Variants in PLIN3 observed in about 807,000 individuals in gnomAD.
The protein encoded by PLIN3 is perilipin 3, also known as perilipin-3.
In PLIN3, 30 loss-of-function variants were observed where a neutral mutation model predicts 35.9. The ratio of observed to expected loss-of-function variants is 0.84; its 90% CI spans 0.62 to 1.13. The LOEUF is 1.13. PLIN3 is among the 50% of genes most tolerant of loss of function. The probability of loss-of-function intolerance (pLI) is 0.00; values close to 1 mark genes in which losing one functional copy is unlikely to be tolerated. For missense variants in PLIN3, 603 were observed against 596.9 expected (o/e 1.01, Z -0.11); for synonymous variants, 261 against 262.5 (o/e 0.99, Z 0.06).
At chr19:4,854,418 T>TGTTTTTG (rs147712260) in intron 4 of PLIN3, among the ~76,000 whole-genome samples, 1 of 150,828 alleles carries the variant, frequency 6.6e-6, no homozygotes, top group Non-Finnish European at 1.5e-5. Flanking sequence ...TTTTTGTTTT[T>TGTTTTTG]TTTTACAGAG....
chr19:4,844,569 G>A, intron 7 of PLIN3, 99 bp downstream of exon 7: 1 of 1,290,426 alleles, frequency 7.7e-7, no homozygotes, highest in African/African-American at 1.5e-5. Flanking sequence ...TGAGGCTAGG[G>A]AAATCATTCG....
Position 4,839,510 on chromosome 19 carries a change from C to G in PLIN3, c.987G>C (p.Met329Ile). The stretch of plus-strand genomic sequence containing the variant: ...GCAGTTGCTGGGCAATGTCCCGGAA[C>G]ATGGTGAGCGCCCGGGACTCGACCT... ...PEQVESRALT[M>I]FRDIAQQLQA... The change falls in exon 8 of 8, where the codon ATG becomes ATC. Residue 329 changes from methionine to isoleucine, a missense_variant. By Grantham distance (10) the Met-to-Ile change is conservative (BLOSUM62 1). Coordinates refer to ENST00000221957, the MANE Select transcript of PLIN3 (RefSeq NM_005817.5). 2 of 1,536,644 alleles carry G rather than the reference C, an allele frequency of 1.3e-6. No individual in the cohort carries two copies. The highest frequency in any genetic ancestry group is 1.4e-5 in the African/African-American group (1 of 73,036).
At position 4,861,343 on chromosome 19, in the gene PLIN3, C is replaced by T. The variant is rs192291818; in HGVS notation, c.52G>A (p.Glu18Lys). The change falls in exon 2 of 8, where the codon GAA (glutamate) becomes AAA (lysine). Residue 18 changes from glutamate to lysine, a missense_variant. Coordinates refer to ENST00000221957, the MANE Select transcript of PLIN3 (RefSeq NM_005817.5). ...CCCTTCCTCACCTGCTGTACCGGTT[C>T]TTCCACTGTCACCTGGGTGCTGCCA... ...ADGSTQVTVEEPVQQPSVVDR... is the reference protein window; with the variant it reads ...ADGSTQVTVEKPVQQPSVVDR... The T allele has an allele frequency of 8.4e-4, 1,351 of 1,613,404 alleles. 18 individuals carry two copies. The highest frequency in any genetic ancestry group is 1.1e-4 in the Non-Finnish European group (125 of 1,179,724).
chr19:4,839,536 G>A lies in PLIN3; in HGVS notation c.961C>T (p.Gln321Ter), dbSNP rs373515079. Reference protein sequence around the residue: ...GPEKEPPKPEQVESRALTMFR... With the variant: ...GPEKEPPKPE ...ATGGTGAGCGCCCGGGACTCGACCT[G>A]CTGAGAAGGGAGATGGGGACACCAA... The change falls in exon 8 of 8, where the codon CAG becomes TAG. Residue 321 changes from glutamine (Q) to a stop codon, truncating the protein, a stop_gained and splice_region_variant. Transcript: ENST00000221957. LOFTEE classifies it low-confidence loss of function (END_TRUNC). The A allele has an allele frequency of 2.6e-6, 4 of 1,515,252 alleles. No individual in the cohort carries two copies. The African/African-American group carries it at 4.2e-5, about 16-fold the overall frequency. The allele number at this position is 1,515,252 out of a possible 1,614,324, so 93.9% of individuals were successfully genotyped here. A position where few individuals can be genotyped will look rare whatever the true frequency, so the allele number is the denominator to read the frequency against.
intron 5 of PLIN3, 50 bp from the exon 6 acceptor site, chr19:4,847,940 G>GGCTCGTCCCAT: frequency 7.4e-7 from 1 of 1,359,642 alleles, no homozygotes; most frequent in Non-Finnish European, 1.0e-6. Flanking sequence ...CACACAGCTG[G>GGCTCGTCCCAT]GCTCGTCCCA....
chr19:4,844,697 C>A lies in PLIN3; in HGVS notation c.931G>T (p.Gly311Cys). The A allele has an allele frequency of 1.9e-6, 3 of 1,609,502 alleles. No individual in the cohort carries two copies. The highest frequency in any genetic ancestry group is 2.5e-6 in the Non-Finnish European group (3 of 1,178,266). Residue 311 changes from glycine to cysteine, a missense_variant, in exon 7 of 8, where the codon GGC becomes TGC. By Grantham distance (159) the Gly-to-Cys change is radical. Coordinates refer to ENST00000221957, the MANE Select transcript of PLIN3 (RefSeq NM_005817.5). ...GGCTTGGGCGGCTCCTTCTCGGGGC[C>A]CTGGAGCTGCTTCTGGTTCCAGCTG... Reference protein sequence around the residue: ...WLSWNQKQLQGPEKEPPKPEQ... With the variant: ...WLSWNQKQLQCPEKEPPKPEQ...
At position 4,847,737 on chromosome 19, in the gene PLIN3, T is replaced by C. The variant is rs374739846; in HGVS notation, c.788A>G (p.Gln263Arg). ...HSLGKLRATKQRAQEALLQLS... is the reference protein window; with the variant it reads ...HSLGKLRATKRRAQEALLQLS... ...CTGCAGCAGAGCCTCCTGTGCCCTC[T>C]GCTTGGTGGCTCGAAGCTTGCCCAG... The change falls in exon 6 of 8, where the codon CAG becomes CGG. Residue 263 changes from glutamine (Q) to arginine (R), a missense_variant. Coordinates refer to ENST00000221957, the MANE Select transcript of PLIN3 (RefSeq NM_005817.5). 8.1e-6 allele frequency: 13 copies of C among 1,611,698 alleles called. No homozygotes were observed. In the East Asian group the frequency reaches 8.9e-5, roughly 11 times the overall value.
At chr19:4,845,795 G>C (rs911170757) in intron 6 of PLIN3, among the ~76,000 whole-genome samples, 1 of 148,362 alleles carries the variant, frequency 6.7e-6, no homozygotes, top group African/African-American at 2.5e-5. Context: ...GTGGTGGTGG[G>C]CGCCTGTAGT....
chr19:4,842,593 C>CT (rs1364664695), intron 7 of PLIN3, among the ~76,000 whole-genome samples: 1 of 91,000 alleles, frequency 1.1e-5, no homozygotes, highest in Non-Finnish European at 2.0e-5. Context: ...GAGTGAGACT[C>CT]TATCTCAAAA....
chr19:4,854,679 G>A (rs540477347), intron 4 of PLIN3, among the ~76,000 whole-genome samples: 32 of 152,124 alleles, frequency 2.1e-4, no homozygotes, highest in Non-Finnish European at 3.8e-4. Flanking sequence ...GAACACGCAC[G>A]TTCTCACACT....
rs35248667 is a variant in PLIN3 at position 4,846,318 on chromosome 19, GAAA to G, written c.834+1370_834+1372del. 5.3e-4 allele frequency among the ~76,000 whole-genome samples: 74 copies of G among 138,512 alleles called. 1 individual carries two copies. The highest frequency in any genetic ancestry group is 2.5e-3 in the East Asian group (12 of 4,754). The allele number at this position is 138,512 out of a possible 152,430, so 90.9% of individuals were successfully genotyped here. A position where few individuals can be genotyped will look rare whatever the true frequency, so the allele number is the denominator to read the frequency against. ...GCAACAGAGTGAGCCCCTGTCTCTG[GAAA>G]AAAAAAAAAAAAAATCGTCATAAAG... is the stretch of plus-strand genomic sequence containing the variant. On this transcript the variant is annotated intron_variant, in intron 6 of 7. Coordinates refer to ENST00000221957, the MANE Select transcript of PLIN3 (RefSeq NM_005817.5).
intron 7 of PLIN3, among the ~76,000 whole-genome samples, chr19:4,842,497 G>A (rs1283574405): frequency 6.6e-6 from 1 of 151,346 alleles, no homozygotes; most frequent in Non-Finnish European, 1.5e-5. Flanking sequence ...CTACTCGGGA[G>A]GCTGAGGCAG....
In PLIN3 at chr19:4,847,745, G is replaced by A. The variant is rs76682008; in HGVS notation, c.780C>T (p.Ala260=). ...AYEHSLGKLR[A]TKQRAQEALL... ...GAGCCTCCTGTGCCCTCTGCTTGGT[G>A]GCTCGAAGCTTGCCCAGCGAGTGCT... The change falls in exon 6 of 8, where the codon GCC becomes GCT. Residue 260 remains alanine (A), a synonymous_variant. Coordinates refer to ENST00000221957, the MANE Select transcript of PLIN3 (RefSeq NM_005817.5). The A allele has an allele frequency of 2.9e-3, 4,653 of 1,612,196 alleles. 11 individuals carry two copies. Among genetic ancestry groups the A allele is most frequent in the Non-Finnish European group, 3.7e-3 (4,308 of 1,179,430 alleles).
intron 5 of PLIN3, among the ~76,000 whole-genome samples, chr19:4,850,567 C>T (rs1282584246): frequency 7.3e-5 from 11 of 150,324 alleles, no homozygotes; most frequent in Non-Finnish European, 8.9e-5. Flanking sequence ...ACTACAGGCA[C>T]CCGCCACCAC....
Position 4,848,432 on chromosome 19 carries a change from G to T in PLIN3, c.635-542C>A, listed in dbSNP as rs189550172. Among the ~76,000 whole-genome samples, 81 of 152,350 alleles carry T rather than the reference G, an allele frequency of 5.3e-4. 1 individual carries two copies. Among genetic ancestry groups the T allele is most frequent in the Admixed American group, 3.6e-3 (55 of 15,286 alleles). On this transcript the variant is annotated intron_variant, in intron 5 of 7. Coordinates refer to ENST00000221957, the MANE Select transcript of PLIN3 (RefSeq NM_005817.5). The stretch of plus-strand genomic sequence containing the variant: ...TCAGAGACCTTAGACTAGCAGGAGG[G>T]TCTCAAGCTATGGCCTGCAGGCCAG...
At chr19:4,848,666 A>C (rs1458785280) in intron 5 of PLIN3, among the ~76,000 whole-genome samples, 2 of 152,220 alleles carry the variant, frequency 1.3e-5, no homozygotes, top group African/African-American at 4.8e-5. Flanking sequence ...CAGGAGTTCA[A>C]GACTAGCCTG....
At chr19:4,850,466 G>A (rs1486940151) in intron 5 of PLIN3, among the ~76,000 whole-genome samples, 1 of 151,656 alleles carries the variant, frequency 6.6e-6, no homozygotes, top group African/African-American at 2.4e-5. Flanking sequence ...TATTGCCCAG[G>A]CTGGAGTGGA....
intron 1 of PLIN3, among the ~76,000 whole-genome samples, chr19:4,864,098 AGTGTGTGTGTGTGTGTGTGTGTGTGT>A (rs71170861): frequency 0.18 from 22,782 of 125,338 alleles, 2,583 homozygotes; most frequent in East Asian, 0.42. Context: ...ACACCTGGCT[AGTGTGTGTGTGTGTGTGTGTGTGTGT>A]GTGTGTGTGT....
chr19:4,857,774 G>A lies in PLIN3; in HGVS notation c.348+1816C>T, dbSNP rs995474646. Reference sequence around the variant, plus strand: ...GTGGATCACCTGAGGTCGGGAGCTCGAGACCAGCCTGACCAACATGGTAAA... The same window carrying A: ...GTGGATCACCTGAGGTCGGGAGCTCAAGACCAGCCTGACCAACATGGTAAA... On this transcript the variant is annotated intron_variant, in intron 4 of 7. Coordinates refer to ENST00000221957, the MANE Select transcript of PLIN3 (RefSeq NM_005817.5). 4.0e-5 allele frequency among the ~76,000 whole-genome samples: 6 copies of A among 151,888 alleles called. No individual in the cohort carries two copies. In the East Asian group the frequency reaches 7.7e-4, roughly 20 times the overall value.
Sources: allele counts gnomAD v4.1 joint callset (sites outside exome capture counted in the v4.1 genomes callset), GRCh38; gene constraint gnomAD v4.1.1; transcripts MANE v1.5; gene names NCBI Gene and HGNC (gene_info 2026-07-23, HGNC 2026-07-21).